Variants in PARD3B observed in about 807,000 individuals in gnomAD.
PARD3B encodes par-3 family cell polarity regulator beta, also known as partitioning defective 3 homolog B.
A neutral mutation model predicts 130.2 loss-of-function variants in PARD3B; 103 were observed. The ratio of observed to expected loss-of-function variants is 0.79; its 90% confidence interval spans 0.67 to 0.93. The LOEUF (loss-of-function observed/expected upper bound fraction) is 0.93. Ranked by LOEUF, PARD3B falls within the 40% of genes least tolerant of loss-of-function variation. The pLI, the probability that PARD3B is intolerant of heterozygous loss-of-function variation, is 0.00. For missense variants in PARD3B, 1,609 were observed against 1,499.2 expected (o/e 1.07, Z -1.21); for synonymous variants, 583 against 553.2 (o/e 1.05, Z -0.76).
intron 15 of PARD3B, among the ~76,000 whole-genome samples, chr2:205,232,788 T>C (rs2038906399): frequency 1.3e-5 from 2 of 152,006 alleles, no homozygotes; most frequent in Admixed American, 6.5e-5. Flanking sequence ...TAACAGCAAA[T>C]TAGACATTGC....
At position 205,031,426 on chromosome 2, in the gene PARD3B, G is replaced by T. The variant is rs1483342506; in HGVS notation, c.395-16155G>T. Among the ~76,000 whole-genome samples the T allele has an allele frequency of 2.6e-5, 4 of 152,200 alleles. No homozygotes were observed. In the East Asian group the frequency reaches 7.7e-4, roughly 29 times the overall value. On this transcript the variant is annotated intron_variant, in intron 3 of 22. Coordinates refer to ENST00000406610, the MANE Select transcript of PARD3B (RefSeq NM_001302769.2). ...TGCATTGGTTTGCTTACCCTGAGAA[G>T]ACCTGAAAGATGAGATTATGATCTT... is the stretch of plus-strand genomic sequence containing the variant.
intron 19 of PARD3B, among the ~76,000 whole-genome samples, chr2:205,414,074 G>A (rs2046692481): frequency 6.6e-6 from 1 of 152,014 alleles, no homozygotes; most frequent in Non-Finnish European, 1.5e-5. Context: ...TATTTTGGGG[G>A]CAGGCATAAA....
Position 205,218,154 on chromosome 2 carries a change from G to A in PARD3B, c.2140+24834G>A, listed in dbSNP as rs552368346. Reference sequence around the variant, plus strand: ...GATCCACCCACCTTGGCTTCTCAAAGTGCTAGGATTACAAGACATGAGCCA... The same window carrying A: ...GATCCACCCACCTTGGCTTCTCAAAATGCTAGGATTACAAGACATGAGCCA... On this transcript the variant is annotated intron_variant, in intron 15 of 22. Coordinates refer to ENST00000406610, the MANE Select transcript of PARD3B (RefSeq NM_001302769.2). Among the ~76,000 whole-genome samples, 36 of 151,976 alleles carry A rather than the reference G, an allele frequency of 2.4e-4. No homozygotes were observed. In the Middle Eastern group the frequency reaches 0.014, roughly 57 times the overall value.
At chr2:204,770,727 G>T (rs1370910961) in intron 2 of PARD3B, among the ~76,000 whole-genome samples, 1 of 151,896 alleles carries the variant, frequency 6.6e-6, no homozygotes, top group Non-Finnish European at 1.5e-5. Context: ...CATACCTACT[G>T]ACATCCCCTG....
chr2:204,738,648 G>A (rs1251783647), intron 2 of PARD3B, among the ~76,000 whole-genome samples: 1 of 152,114 alleles, frequency 6.6e-6, no homozygotes, highest in African/African-American at 2.4e-5. Flanking sequence ...GAGGCTTTGG[G>A]ATGCTCTGTT....
chr2:205,564,803 C>T lies in PARD3B; in HGVS notation c.3260+11400C>T, dbSNP rs2053262402. Among the ~76,000 whole-genome samples, 1 of 152,136 alleles carries T rather than the reference C, an allele frequency of 6.6e-6. No individual in the cohort carries two copies. The highest frequency in any genetic ancestry group is 2.4e-5 in the African/African-American group (1 of 41,424). ...CTCCATTATTTCCAGCAAAGGCAAA[C>T]ATTTGTGGTACAAATGTGAGAGGGG... On this transcript the variant is annotated intron_variant, in intron 22 of 22. Coordinates refer to ENST00000406610, the MANE Select transcript of PARD3B (RefSeq NM_001302769.2). The surrounding 1 kb of genome is among the most constrained non-coding windows in gnomAD (Gnocchi z 4.6).
At chr2:205,310,097 T>G in intron 18 of PARD3B, among the ~76,000 whole-genome samples, 1 of 150,242 alleles carries the variant, frequency 6.7e-6, no homozygotes, top group South Asian at 2.1e-4. Flanking sequence ...TTTTTTTTTT[T>G]TTTTTGAGAC....
At chr2:205,499,485 C>T (rs2050076936) in intron 20 of PARD3B, among the ~76,000 whole-genome samples, 1 of 152,160 alleles carries the variant, frequency 6.6e-6, no homozygotes, top group African/African-American at 2.4e-5. Flanking sequence ...AGCCCTGTCT[C>T]ATATCCAGCC....
At position 204,792,544 on chromosome 2, in the gene PARD3B, AT is replaced by A. The variant is rs59942373; in HGVS notation, c.222+106271del. 2.8e-4 allele frequency among the ~76,000 whole-genome samples: 42 copies of A among 151,382 alleles called. No individual in the cohort carries two copies. In the South Asian group the frequency reaches 5.6e-3, roughly 20 times the overall value. On this transcript the variant is annotated intron_variant, in intron 2 of 22. Transcript: ENST00000406610. ...CTGAGTTTCCCTTTCAAGTAAGACCATTTTTTTTTAATAGCTAGAGAAACTG... is the reference window on the plus strand; with the variant it reads ...CTGAGTTTCCCTTTCAAGTAAGACCATTTTTTTTAATAGCTAGAGAAACTG...
In PARD3B at chr2:204,698,069, C is replaced by A. The variant is rs559343669; in HGVS notation, c.222+11787C>A. Reference sequence around the variant, plus strand: ...AATCTAAGGAACATGGCGTCAGAGCCAATGGGTTGAGTCAACTCTCAAGAC... The same window carrying A: ...AATCTAAGGAACATGGCGTCAGAGCAAATGGGTTGAGTCAACTCTCAAGAC... On this transcript the variant is annotated intron_variant, in intron 2 of 22. Coordinates refer to ENST00000406610, the MANE Select transcript of PARD3B (RefSeq NM_001302769.2). Among the ~76,000 whole-genome samples, 16 of 152,182 alleles carry A rather than the reference C, an allele frequency of 1.1e-4. 1 individual carries two copies. The South Asian group carries it at 3.3e-3, about 32-fold the overall frequency.
intron 3 of PARD3B, among the ~76,000 whole-genome samples, chr2:204,996,538 G>A (rs7577822): frequency 0.42 from 63,565 of 150,818 alleles, 13,875 homozygotes; most frequent in Admixed American, 0.51. Flanking sequence ...CTTTTTGTTT[G>A]TCTGTGCCCT....
chr2:205,354,352 T>G (rs1293327576), intron 18 of PARD3B, among the ~76,000 whole-genome samples: 1 of 151,838 alleles, frequency 6.6e-6, no homozygotes, highest in Non-Finnish European at 1.5e-5. Context: ...AGACAGCAGA[T>G]TAAAGAAGGA....
In PARD3B at chr2:205,168,320, A is replaced by AGAGAGAGAGAGAGAGAGTGT. The variant is rs371904121; in HGVS notation, c.1621-3890_1621-3889insAGAGAGAGAGAGAGAGTGTG. Among the ~76,000 whole-genome samples, 533 of 119,692 alleles carry AGAGAGAGAGAGAGAGAGTGT rather than the reference A, an allele frequency of 4.5e-3. 10 individuals carry two copies. The highest frequency in any genetic ancestry group is 0.015 in the African/African-American group (431 of 29,590). The allele number at this position is 119,692 out of a possible 152,430, so 78.5% of individuals were successfully genotyped here. On this transcript the variant is annotated intron_variant, in intron 11 of 22. Transcript: ENST00000406610. ...GAGAGAGAGAGAGAGAGAGAGAGAGAGTGTGTGTGTGTGAATATTGCAAGC... is the reference window on the plus strand; with the variant it reads ...GAGAGAGAGAGAGAGAGAGAGAGAGAGAGAGAGAGAGAGAGAGTGTGTGTGTGTGTGTGAATATTGCAAGC...
At chr2:204,672,968 A>G (rs1010872179) in intron 1 of PARD3B, among the ~76,000 whole-genome samples, 6 of 152,258 alleles carry the variant, frequency 3.9e-5, no homozygotes, top group African/African-American at 1.4e-4. Flanking sequence ...TTGTCAAGAA[A>G]GAAAATATAT....
chr2:204,956,043 T>C (rs887456448), intron 2 of PARD3B, among the ~76,000 whole-genome samples: 1 of 152,178 alleles, frequency 6.6e-6, no homozygotes, highest in African/African-American at 2.4e-5. Flanking sequence ...AGTGTTATGG[T>C]TAAATGTCAG....
intron 2 of PARD3B, among the ~76,000 whole-genome samples, chr2:204,860,889 T>A (rs1241078378): frequency 2.0e-5 from 3 of 152,194 alleles, no homozygotes; most frequent in Non-Finnish European, 4.4e-5. Context: ...AGATTAGCAG[T>A]GGTTCTTGTT....
chr2:204,802,215 A>G (rs2042596076), intron 2 of PARD3B, among the ~76,000 whole-genome samples: 1 of 152,226 alleles, frequency 6.6e-6, no homozygotes, highest in South Asian at 2.1e-4. Flanking sequence ...GAAGACATTT[A>G]TGTGGCCAAT....
intron 9 of PARD3B, 75 bp downstream of exon 9, chr2:205,124,541 A>G: frequency 9.8e-7 from 1 of 1,016,732 alleles, no homozygotes; most frequent in African/African-American, 1.7e-5. Flanking sequence ...GCATTGAAAT[A>G]TATGTAAATA....
chr2:204,890,588 T>A lies in PARD3B; in HGVS notation c.223-74564T>A, dbSNP rs572637371. Among the ~76,000 whole-genome samples the A allele has an allele frequency of 3.3e-4, 51 of 152,272 alleles. No individual in the cohort carries two copies. Among genetic ancestry groups the A allele is most frequent in the Admixed American group, 8.5e-4 (13 of 15,294 alleles). ...TTCCACCTCCCCCCACCACATCCCCTTATAGTCTTTGTCTGAGGATTTCAC... is the reference window on the plus strand; with the variant it reads ...TTCCACCTCCCCCCACCACATCCCCATATAGTCTTTGTCTGAGGATTTCAC... On this transcript the variant is annotated intron_variant, in intron 2 of 22. Transcript: ENST00000406610. The surrounding 1 kb of genome is among the most constrained non-coding windows in gnomAD (Gnocchi z 4.9).
Sources: gnomAD v4.1 joint callset for allele counts (sites outside exome capture counted in the v4.1 genomes callset) on GRCh38, gnomAD v4.1.1 for gene constraint, Gnocchi (gnomAD v3.1) non-coding constraint, MANE v1.5 for transcripts, NCBI Gene and HGNC (gene_info 2026-07-23, HGNC 2026-07-21) for gene names.